Variants in ATP8B4 observed in about 807,000 individuals in gnomAD.
The protein encoded by ATP8B4 is probable phospholipid-transporting ATPase IM.
Under a neutral mutation model 145.6 loss-of-function variants are expected in ATP8B4, and 133 were observed. That is an observed-to-expected ratio of 0.91 (90% CI 0.79 to 1.05). ATP8B4 has a LOEUF of 1.05. ATP8B4 is among the 50% of genes least tolerant of loss of function. The pLI is 0.00. For missense variants in ATP8B4, 1,458 were observed against 1,425.2 expected (o/e 1.02, Z -0.37); for synonymous variants, 507 against 492.9 (o/e 1.03, Z -0.38).
Position 50,172,715 on chromosome 15 carries a change from T to G in ATP8B4, c.-43+9546A>C, listed in dbSNP as rs538751612. On this transcript the variant is annotated intron_variant, in intron 1 of 3. Coordinates refer to the ATP8B4 transcript ENST00000558829. ...GAAGTGAGGAGCGTCTCTGCCTGGC[T>G]GCCCATCGTCTGAGATGTGGGGAGC... is the stretch of plus-strand genomic sequence containing the variant. Among the ~76,000 whole-genome samples, 12 of 149,850 alleles carry G rather than the reference T, an allele frequency of 8.0e-5. No homozygotes were observed. In the East Asian group the frequency reaches 2.4e-3, roughly 30 times the overall value.
intron 3 of ATP8B4, among the ~76,000 whole-genome samples, chr15:50,062,112 C>T (rs1229916983): frequency 6.6e-6 from 1 of 152,072 alleles, no homozygotes; most frequent in African/African-American, 2.4e-5. Context: ...TTACTCAATA[C>T]GTGTGATATA....
At chr15:50,000,088 A>T (rs2153559278) in intron 8 of ATP8B4, among the ~76,000 whole-genome samples, 1 of 152,224 alleles carries the variant, frequency 6.6e-6, no homozygotes, top group South Asian at 2.1e-4. Flanking sequence ...AATTTATTCA[A>T]CCATTGACTT....
intron 16 of ATP8B4, among the ~76,000 whole-genome samples, chr15:49,929,038 T>C (rs1163821571): frequency 6.6e-6 from 1 of 152,078 alleles, no homozygotes; most frequent in Non-Finnish European, 1.5e-5. Flanking sequence ...TAAATAAGAC[T>C]AGAGGCTGAG....
At chr15:49,940,973 G>C (rs1235200340) in intron 14 of ATP8B4, among the ~76,000 whole-genome samples, 15 of 152,110 alleles carry the variant, frequency 9.9e-5, no homozygotes, top group Admixed American at 9.8e-4. Context: ...CAGAGAATGA[G>C]AAAGAGAAAG....
At chr15:49,892,286 C>T (rs1030000591) in intron 23 of ATP8B4, among the ~76,000 whole-genome samples, 6 of 151,736 alleles carry the variant, frequency 4.0e-5, no homozygotes, top group East Asian at 1.9e-4. Context: ...TAAAAGAATA[C>T]GATTGTAGTA....
intron 2 of ATP8B4, among the ~76,000 whole-genome samples, chr15:50,103,163 A>G (rs900647071): frequency 6.6e-6 from 1 of 152,182 alleles, no homozygotes; most frequent in East Asian, 1.9e-4. Context: ...AGTTGAAAGC[A>G]TTCCCCCTGA....
intron 24 of ATP8B4, among the ~76,000 whole-genome samples, chr15:49,877,410 G>A (rs1056160134): frequency 6.6e-6 from 1 of 152,174 alleles, no homozygotes; most frequent in Non-Finnish European, 1.5e-5. Context: ...GAGAAGAGGC[G>A]AAAGTGGAAG....
chr15:50,134,058 T>C (rs753223689), intron 1 of ATP8B4, among the ~76,000 whole-genome samples: 1 of 152,196 alleles, frequency 6.6e-6, no homozygotes, highest in Non-Finnish European at 1.5e-5. Context: ...TATTTCACAA[T>C]GTATATGTAT....
chr15:50,003,560 T>C (rs1303695318), intron 7 of ATP8B4, among the ~76,000 whole-genome samples: 1 of 152,106 alleles, frequency 6.6e-6, no homozygotes, highest in Non-Finnish European at 1.5e-5. Context: ...AAATTTTTTT[T>C]GAAAATTCAC....
At chr15:50,006,439 C>G (rs906159686) in intron 7 of ATP8B4, among the ~76,000 whole-genome samples, 4 of 140,774 alleles carry the variant, frequency 2.8e-5, no homozygotes, top group Non-Finnish European at 6.0e-5. Context: ...ACAAGCAACT[C>G]TGACGTGAAG....
At chr15:49,892,289 T>C (rs780699611) in intron 23 of ATP8B4, among the ~76,000 whole-genome samples, 6 of 152,106 alleles carry the variant, frequency 3.9e-5, no homozygotes, top group Non-Finnish European at 7.4e-5. Flanking sequence ...AAGAATACGA[T>C]TGTAGTAGTA....
At chr15:49,932,409 T>C (rs546992777) in intron 15 of ATP8B4, among the ~76,000 whole-genome samples, 17 of 152,058 alleles carry the variant, frequency 1.1e-4, no homozygotes, top group Admixed American at 9.8e-4. Flanking sequence ...CTTAATACAA[T>C]AGACATGAAT....
At chr15:49,870,895 C>T (rs1289397267) in intron 25 of ATP8B4, among the ~76,000 whole-genome samples, 2 of 152,238 alleles carry the variant, frequency 1.3e-5, no homozygotes. Flanking sequence ...GAAAGAAACA[C>T]CTATGTGCTT....
rs1358387634 is a variant in ATP8B4 at position 49,905,090 on chromosome 15, A to C, written c.2142-3851T>G. ...TAGCAGGGTTTAACTGTAGCTTTCT[A>C]GGCATGCCTTTAATAATAAGGCAGC... On this transcript the variant is annotated intron_variant, in intron 20 of 27. Transcript: ENST00000284509. Among the ~76,000 whole-genome samples, 3 of 152,240 alleles carry C rather than the reference A, an allele frequency of 2.0e-5. No individual in the cohort carries two copies. In the East Asian group the frequency reaches 5.8e-4, roughly 29 times the overall value.
chr15:49,913,124 CT>C lies in ATP8B4; in HGVS notation c.2141+3809del, dbSNP rs543634812. 1.4e-4 allele frequency among the ~76,000 whole-genome samples: 20 copies of C among 139,400 alleles called. 1 individual carries two copies. The highest frequency in any genetic ancestry group is 2.1e-4 in the Admixed American group (3 of 14,312). 91.5% of individuals were successfully genotyped at this position (139,400 alleles called of 152,430 possible). A position where few individuals can be genotyped will look rare whatever the true frequency, so the allele number is the denominator to read the frequency against. ...GAAAGCCAGGTGACAGAGCACCTGG[CT>C]TTTTTTTTTGTGTCTCAAAGAAAAA... On this transcript the variant is annotated intron_variant, in intron 20 of 27. Coordinates refer to ENST00000284509, the MANE Select transcript of ATP8B4 (RefSeq NM_024837.4).
chr15:50,097,314 T>C (rs2056052810), intron 2 of ATP8B4, among the ~76,000 whole-genome samples: 1 of 152,096 alleles, frequency 6.6e-6, no homozygotes, highest in Admixed American at 6.6e-5. Flanking sequence ...AAATAATATA[T>C]GCTCAAAGCA....
intron 20 of ATP8B4, 21 bp from the exon 21 acceptor site, chr15:49,901,260 G>A (rs78738209): frequency 5.0e-6 from 8 of 1,610,488 alleles, no homozygotes; most frequent in Admixed American, 1.7e-5. Context: ...AGGGTGAAAA[G>A]TGAAACATAA....
At chr15:49,966,846 G>A (rs952511286) in intron 13 of ATP8B4, among the ~76,000 whole-genome samples, 3 of 152,192 alleles carry the variant, frequency 2.0e-5, no homozygotes, top group Admixed American at 6.5e-5. Context: ...AGCGGAGGTC[G>A]ACAGACACCT....
intron 3 of ATP8B4, among the ~76,000 whole-genome samples, chr15:50,063,428 A>G (rs1050641411): frequency 1.3e-5 from 2 of 152,090 alleles, no homozygotes; most frequent in African/African-American, 4.8e-5. Context: ...TTGTTTAACT[A>G]TCAATGACAA....
Sources: gnomAD v4.1 joint callset for allele counts (sites outside exome capture counted in the v4.1 genomes callset) on GRCh38, gnomAD v4.1.1 for gene constraint, MANE v1.5 for transcripts, NCBI Gene and HGNC (gene_info 2026-07-23, HGNC 2026-07-21) for gene names.